The following ELMO1 variants were observed in gnomAD, a reference collection of about 807,000 sequenced individuals.
ELMO1 encodes the protein engulfment and cell motility protein 1.
Under a neutral mutation model 98.9 loss-of-function variants are expected in ELMO1, and 26 were observed. That is an observed-to-expected ratio of 0.26 (90% confidence interval 0.19 to 0.36). ELMO1 has a LOEUF of 0.36. Ranked by LOEUF, ELMO1 falls within the 10% of genes least tolerant of loss-of-function variation. ELMO1 has a pLI of 1.00. For synonymous variants in ELMO1, 346 were observed against 346.0 expected (o/e 1.00, Z 0.00); for missense variants, 627 against 935.2 (o/e 0.67, Z 4.30).
chr7:37,199,529 G>T (rs1584798310), intron 13 of ELMO1, among the ~76,000 whole-genome samples: 1 of 152,178 alleles, frequency 6.6e-6, no homozygotes, highest in Non-Finnish European at 1.5e-5. Flanking sequence ...CACAGGTCAT[G>T]GGTGCTTCTG....
At chr7:37,268,707 G>A (rs1796394521) in intron 5 of ELMO1, among the ~76,000 whole-genome samples, 1 of 152,242 alleles carries the variant, frequency 6.6e-6, no homozygotes, top group Non-Finnish European at 1.5e-5. Context: ...ATGCAGTGGA[G>A]AAGCAGCAGC....
At chr7:36,956,069 T>A (rs1339811895) in intron 16 of ELMO1, among the ~76,000 whole-genome samples, 2 of 152,212 alleles carry the variant, frequency 1.3e-5, no homozygotes. Context: ...AAAGTAGGTG[T>A]CCACCTCAAA....
intron 18 of ELMO1, among the ~76,000 whole-genome samples, chr7:36,881,868 A>G (rs995525443): frequency 6.6e-5 from 10 of 152,226 alleles, no homozygotes; most frequent in Non-Finnish European, 1.5e-4. Context: ...ATACTAAGAA[A>G]ACAAATTATA....
At chr7:37,149,047 C>CT (rs1459321487) in intron 13 of ELMO1, among the ~76,000 whole-genome samples, 1 of 152,224 alleles carries the variant, frequency 6.6e-6, no homozygotes, top group East Asian at 1.9e-4. Context: ...CAGGCAGCCT[C>CT]TGGTGAGGAA....
intron 13 of ELMO1, among the ~76,000 whole-genome samples, chr7:37,160,130 G>A (rs917433293): frequency 7.2e-5 from 11 of 152,148 alleles, no homozygotes; most frequent in South Asian, 2.1e-4. Context: ...ATGCAAATGC[G>A]TGCTTGCATT....
At chr7:37,365,975 C>T (rs1257696629) in intron 1 of ELMO1, among the ~76,000 whole-genome samples, 2 of 152,166 alleles carry the variant, frequency 1.3e-5, no homozygotes, top group Non-Finnish European at 2.9e-5. Flanking sequence ...GATGAATGCC[C>T]AAGATAAGAT....
chr7:37,300,571 TTA>T (rs1798284849), intron 4 of ELMO1, among the ~76,000 whole-genome samples: 1 of 105,874 alleles, frequency 9.4e-6, no homozygotes, highest in Non-Finnish European at 2.0e-5. Flanking sequence ...TGGATTATGT[TTA>T]TTGATTTGTG....
At chr7:37,244,430 A>C (rs1794898355) in intron 6 of ELMO1, 39 bp from the exon 7 acceptor site, 2 of 1,601,910 alleles carry the variant, frequency 1.2e-6, no homozygotes, top group South Asian at 2.2e-5. Context: ...GAGCATACTT[A>C]AAAGCAACAA....
chr7:37,088,551 C>T (rs1382543457), intron 15 of ELMO1, among the ~76,000 whole-genome samples: 7 of 152,164 alleles, frequency 4.6e-5, no homozygotes, highest in Admixed American at 1.3e-4. Context: ...AGAATGATGA[C>T]GATCATGACT....
intron 9 of ELMO1, 69 bp from the exon 10 acceptor site, chr7:37,222,762 C>T: frequency 1.4e-6 from 2 of 1,437,478 alleles, no homozygotes; most frequent in Non-Finnish European, 9.6e-7. Flanking sequence ...TGGGTCAAAC[C>T]ATGAAAAGGC....
intron 19 of ELMO1, among the ~76,000 whole-genome samples, chr7:36,875,860 G>A (rs970164182): frequency 6.6e-6 from 1 of 152,170 alleles, no homozygotes; most frequent in Non-Finnish European, 1.5e-5. Flanking sequence ...TAGCATGGGG[G>A]TGCTGTGCTA....
intron 1 of ELMO1, among the ~76,000 whole-genome samples, chr7:37,383,303 A>AC (rs1390221450): frequency 6.6e-6 from 1 of 152,146 alleles, no homozygotes; most frequent in African/African-American, 2.4e-5. Context: ...TGACGCTGAC[A>AC]TTTTTTAAGA....
At chr7:37,441,073 C>T (rs1360523875) in intron 1 of ELMO1, among the ~76,000 whole-genome samples, 1 of 151,326 alleles carries the variant, frequency 6.6e-6, no homozygotes, top group Non-Finnish European at 1.5e-5. Context: ...CTGGAAAATA[C>T]AGCTCATCCA....
rs140701356 is a variant in ELMO1 at position 37,394,313 on chromosome 7, C to T, written c.-73-51550G>A. ...GGCATGTTCAGAAACCTGAAAGAAG[C>T]TGTAAATAAGACCTCAGTCAGACTG... On this transcript the variant is annotated intron_variant, in intron 1 of 21. Coordinates refer to ENST00000310758, the MANE Select transcript of ELMO1 (RefSeq NM_014800.11). Among the ~76,000 whole-genome samples, 36 of 152,254 alleles carry T rather than the reference C, an allele frequency of 2.4e-4. 1 individual carries two copies. The East Asian group carries it at 6.8e-3, about 29-fold the overall frequency.
At chr7:36,992,672 T>G (rs1005511787) in intron 16 of ELMO1, among the ~76,000 whole-genome samples, 1 of 152,212 alleles carries the variant, frequency 6.6e-6, no homozygotes, top group African/African-American at 2.4e-5. Flanking sequence ...CACATCCTCC[T>G]TGGTTTTCAG....
At chr7:37,422,399 T>C (rs1006036199) in intron 1 of ELMO1, among the ~76,000 whole-genome samples, 1 of 152,222 alleles carries the variant, frequency 6.6e-6, no homozygotes, top group African/African-American at 2.4e-5. Flanking sequence ...ATCAGCTTTT[T>C]TCCCCCAAAA....
intron 6 of ELMO1, among the ~76,000 whole-genome samples, chr7:37,251,324 G>T (rs1272655758): frequency 6.6e-6 from 1 of 152,106 alleles, no homozygotes; most frequent in Non-Finnish European, 1.5e-5. Flanking sequence ...TCACTCCTAT[G>T]TTTCAAGCAG....
chr7:36,914,970 A>G (rs566192024), intron 16 of ELMO1, among the ~76,000 whole-genome samples: 48 of 152,140 alleles, frequency 3.2e-4, no homozygotes, highest in Non-Finnish European at 5.1e-4. Flanking sequence ...TTGTTTGTTT[A>G]AGAGATGGAG....
At chr7:37,069,666 A>C (rs536201578) in intron 15 of ELMO1, among the ~76,000 whole-genome samples, 1 of 152,240 alleles carries the variant, frequency 6.6e-6, no homozygotes, top group Non-Finnish European at 1.5e-5. Context: ...AATCTTTGGA[A>C]GAAATGTTTC....
Sources: gnomAD v4.1 joint callset for allele counts (sites outside exome capture counted in the v4.1 genomes callset) on GRCh38, gnomAD v4.1.1 for gene constraint, MANE v1.5 for transcripts, NCBI Gene and HGNC (gene_info 2026-07-23, HGNC 2026-07-21) for gene names.